INO80C: variants seen among roughly 807,000 people sequenced by gnomAD.
INO80C encodes IES6 homolog.
A neutral mutation model predicts 17.7 loss-of-function variants in INO80C; 17 were observed. The ratio of observed to expected loss-of-function variants is 0.96; its 90% CI spans 0.66 to 1.44. The LOEUF (loss-of-function observed/expected upper bound fraction) is 1.44, where lower values mean the gene tolerates loss of function less well. Ranked by LOEUF, INO80C falls within the 40% of genes most tolerant of loss-of-function variation. INO80C has a pLI of 0.00. For synonymous variants in INO80C, 96 were observed against 95.8 expected, an observed-to-expected ratio of 1.00 and a Z score of -0.01; for missense variants, 244 against 245.0, an observed-to-expected ratio of 1.00 and a Z score of 0.03.
chr18:35,483,647 A>G (rs1334625112), intron 1 of INO80C: 1 of 152,232 alleles, frequency 6.6e-6, no homozygotes, highest in Non-Finnish European at 1.5e-5. Flanking sequence ...AAGGAACAAG[A>G]CAGGGTGGTA....
At chr18:35,493,682 A>T (rs940028109) in intron 1 of INO80C, among the ~76,000 whole-genome samples, 2 of 152,336 alleles carry the variant, frequency 1.3e-5, no homozygotes, top group African/African-American at 4.8e-5. Flanking sequence ...CTAAGCACTC[A>T]ATTTTACTTT....
chr18:35,473,065 G>A (rs1241656115), intron 4 of INO80C, among the ~76,000 whole-genome samples: 2 of 152,152 alleles, frequency 1.3e-5, no homozygotes, highest in African/African-American at 2.4e-5. Flanking sequence ...CTCCTAATGT[G>A]TGAAAACCAT....
chr18:35,484,060 A>C (rs1846681641), intron 1 of INO80C, among the ~76,000 whole-genome samples: 1 of 152,240 alleles, frequency 6.6e-6, no homozygotes, highest in South Asian at 2.1e-4. Context: ...AAATAACCTG[A>C]GTAACTATGA....
chr18:35,482,213 TA>T (rs1300614548), intron 1 of INO80C, among the ~76,000 whole-genome samples: 1 of 152,176 alleles, frequency 6.6e-6, no homozygotes, highest in African/African-American at 2.4e-5. Flanking sequence ...GAGTTAAGGC[TA>T]AAAGTCATCA....
chr18:35,496,322 A>G (rs1464414465), intron 1 of INO80C, among the ~76,000 whole-genome samples: 1 of 152,234 alleles, frequency 6.6e-6, no homozygotes, highest in East Asian at 1.9e-4. Flanking sequence ...CATTGTCTCA[A>G]AAAGGAACCT....
At chr18:35,472,992 AT>A (rs1374218081) in intron 4 of INO80C, among the ~76,000 whole-genome samples, 1 of 152,204 alleles carries the variant, frequency 6.6e-6, no homozygotes, top group Non-Finnish European at 1.5e-5. Flanking sequence ...GTTTTAGGTA[AT>A]GTGTAATGTG....
intron 4 of INO80C, 52 bp from the exon 5 acceptor site, chr18:35,468,794 A>G: frequency 6.5e-7 from 1 of 1,546,506 alleles, no homozygotes; most frequent in Non-Finnish European, 8.9e-7. Flanking sequence ...TGGTAGGGAT[A>G]TTTTAAGTTC....
chr18:35,469,797 C>T (rs989787677), intron 4 of INO80C, among the ~76,000 whole-genome samples: 5 of 152,132 alleles, frequency 3.3e-5, no homozygotes, highest in East Asian at 1.9e-4. Context: ...CCTAGTGCAA[C>T]GCAGAGTACA....
At chr18:35,481,996 C>T (rs2045814958) in intron 1 of INO80C, among the ~76,000 whole-genome samples, 1 of 152,140 alleles carries the variant, frequency 6.6e-6, no homozygotes, top group Admixed American at 6.5e-5. Flanking sequence ...AAGGAGGCAC[C>T]CCAATTTGTT....
rs35903753 is a variant in INO80C, at chr18:35,477,243, C to CAA, written c.447+1037_447+1038dup. 5.5e-3 allele frequency among the ~76,000 whole-genome samples: 839 copies of CAA among 151,690 alleles called. 8 individuals are homozygous for CAA. The highest frequency in any genetic ancestry group is 0.018 in the African/African-American group (753 of 41,340). On this transcript the variant is annotated intron_variant, in intron 4 of 4. Coordinates refer to ENST00000334598, the MANE Select transcript of INO80C (RefSeq NM_194281.4). ...TGGGCAACACAGTGAGACTCTGTCT[C>CAA]AAAAAAAAGTGAAAAGATCAAGAAA...
At chr18:35,490,705 C>T (rs566308227) in intron 1 of INO80C, among the ~76,000 whole-genome samples, 4 of 152,082 alleles carry the variant, frequency 2.6e-5, no homozygotes, top group South Asian at 2.1e-4. Flanking sequence ...CAGTGGAGTT[C>T]GCTTTTTCTT....
intron 1 of INO80C, 78 bp downstream of exon 1, chr18:35,497,641 A>T (rs2045998583): frequency 6.6e-7 from 1 of 1,521,838 alleles, no homozygotes; most frequent in Non-Finnish European, 8.8e-7. Context: ...CACATTACGC[A>T]CGCGCCCTGG....
Position 35,468,590 on chromosome 18 carries a change from C to A in INO80C, c.*21G>T. On this transcript the variant is annotated 3_prime_UTR_variant, in exon 5 of 5. Transcript: ENST00000334598. ...AGTCTGTTTTTGAAACAGCTTTCCACTTCATCTCCCTTTCTGGGGCTCAGG... is the reference window on the plus strand; with the variant it reads ...AGTCTGTTTTTGAAACAGCTTTCCAATTCATCTCCCTTTCTGGGGCTCAGG... 6.2e-7 allele frequency: 1 copy of A among 1,613,702 alleles called. No individual in the cohort carries two copies. Among genetic ancestry groups the A allele is most frequent in the Non-Finnish European group, 8.5e-7 (1 of 1,179,838 alleles).
chr18:35,468,357 T>A lies in INO80C; in HGVS notation c.*254A>T. On this transcript the variant is annotated 3_prime_UTR_variant, in exon 5 of 5. Coordinates refer to ENST00000334598, the MANE Select transcript of INO80C (RefSeq NM_194281.4). ...ATAAATGAAAAGTATGGTTTTATTG[T>A]ATCTTCTTGTCAAACACCTTTACTT... 1.5e-6 allele frequency: 2 copies of A among 1,321,628 alleles called. No individual in the cohort carries two copies. Among genetic ancestry groups the A allele is most frequent in the Non-Finnish European group, 1.9e-6 (2 of 1,032,056 alleles). 81.9% of individuals were successfully genotyped at this position (1,321,628 alleles called of 1,614,324 possible).
intron 1 of INO80C, among the ~76,000 whole-genome samples, chr18:35,481,803 G>C: frequency 6.6e-6 from 1 of 152,192 alleles, no homozygotes; most frequent in Admixed American, 6.5e-5. Context: ...AAAATCACTT[G>C]AACCTGGGAG....
Position 35,497,758 on chromosome 18 carries a change from G to T in INO80C, c.117C>A (p.Ala39=). 6.2e-7 allele frequency: 1 copy of T among 1,612,848 alleles called. No homozygotes were observed. The highest frequency in any genetic ancestry group is 1.1e-5 in the South Asian group (1 of 91,022). The part of the protein sequence containing the change: ...HNGSSGGGYG[A]SKKKKASASS... ...AAGCGGACGCTTTTTTCTTCTTACT[G>T]GCGCCATAGCCCCCGCCGCTGCTGC... The change falls in exon 1 of 5, where the codon GCC becomes GCA. Residue 39 remains alanine, a synonymous_variant. Coordinates refer to ENST00000334598, the MANE Select transcript of INO80C (RefSeq NM_194281.4).
In INO80C at chr18:35,488,437, A is replaced by T. The variant is rs557984336; in HGVS notation, c.157-7874T>A. On this transcript the variant is annotated intron_variant, in intron 1 of 4. Coordinates refer to ENST00000334598, the MANE Select transcript of INO80C (RefSeq NM_194281.4). ...CCCACAGGCTCAACACTATGTGGAA[A>T]CTGGCCAGGCTTGGAGCTTGCACTC... Among the ~76,000 whole-genome samples, 201 of 152,342 alleles carry T rather than the reference A, an allele frequency of 1.3e-3. 2 individuals carry two copies. The highest frequency in any genetic ancestry group is 4.6e-3 in the African/African-American group (192 of 41,568).
intron 1 of INO80C, among the ~76,000 whole-genome samples, chr18:35,481,215 T>A (rs1276360793): frequency 6.6e-6 from 1 of 151,992 alleles, no homozygotes; most frequent in Non-Finnish European, 1.5e-5. Flanking sequence ...AGCCAGAGAG[T>A]GCCCTGACAA....
intron 2 of INO80C, among the ~76,000 whole-genome samples, 167 bp from the exon 3 acceptor site, chr18:35,479,578 G>A (rs941333582): frequency 6.6e-6 from 1 of 151,958 alleles, no homozygotes; most frequent in Non-Finnish European, 1.5e-5. Flanking sequence ...ACATTAACAT[G>A]TTAATCTTAG....
Sources: allele counts gnomAD v4.1 joint callset (sites outside exome capture counted in the v4.1 genomes callset), GRCh38; gene constraint gnomAD v4.1.1; transcripts MANE v1.5; gene names NCBI Gene and HGNC (gene_info 2026-07-23, HGNC 2026-07-21).